The following TUBGCP4 variants were observed in gnomAD, a reference collection of about 807,000 sequenced individuals.
TUBGCP4 encodes the protein gamma-tubulin complex component 4.
Under a neutral mutation model 91.6 loss-of-function variants are expected in TUBGCP4, and 54 were observed. The ratio of observed to expected loss-of-function variants is 0.59; its 90% confidence interval spans 0.47 to 0.74. TUBGCP4 has a LOEUF of 0.74. TUBGCP4 is among the 30% of genes least tolerant of loss of function. The pLI is 0.00. For synonymous variants in TUBGCP4, 297 were observed against 302.8 expected (o/e 0.98, Z 0.20); for missense variants, 593 against 800.9 (o/e 0.74, Z 3.13).
At position 43,406,479 on chromosome 15, in the gene TUBGCP4, C is replaced by T. The variant is rs2044885922; in HGVS notation, c.*1265C>T. 5.0e-6 allele frequency: 2 copies of T among 402,740 alleles called. No homozygotes were observed. The highest frequency in any genetic ancestry group is 2.8e-5 in the Admixed American group (1 of 36,224). The allele number at this position is 402,740 out of a possible 1,614,324, so 24.9% of individuals were successfully genotyped here. On this transcript the variant is annotated 3_prime_UTR_variant, in exon 18 of 18. Coordinates refer to ENST00000564079, the MANE Select transcript of TUBGCP4 (RefSeq NM_014444.5). ...TTTGTACAGTTTTACTGAAACACAG[C>T]CATGCCCATTTGTTTACTCATTGTC...
rs772599398 is a variant in TUBGCP4 at position 43,385,968 on chromosome 15, C to T, written c.889+12C>T. 1.2e-6 allele frequency: 2 copies of T among 1,613,226 alleles called. No homozygotes were observed. Among genetic ancestry groups the T allele is most frequent in the Non-Finnish European group, 1.7e-6 (2 of 1,179,706 alleles). On this transcript the variant is annotated intron_variant, in intron 8 of 17. Coordinates refer to ENST00000564079, the MANE Select transcript of TUBGCP4 (RefSeq NM_014444.5). ...CCTGACTAGAAAAGGTAGAAATCTC[C>T]TTGTCCAATGTACCACACCCTCAAA...
rs2044257530 is a variant in TUBGCP4 at position 43,379,604 on chromosome 15, G to GCA, written c.442-478_442-477dup. On this transcript the variant is annotated intron_variant, in intron 5 of 17. Coordinates refer to ENST00000564079, the MANE Select transcript of TUBGCP4 (RefSeq NM_014444.5). ...TGTAGTGAGCCAAGATTGCACCACT[G>GCA]CACTCCAGCGTGGGCGACAGAGCAA... 2.1e-5 allele frequency among the ~76,000 whole-genome samples: 3 copies of GCA among 146,118 alleles called. No homozygotes were observed. The Admixed American group carries it at 2.2e-4, about 10-fold the overall frequency.
intron 17 of TUBGCP4, 152 bp downstream of exon 17, chr15:43,404,704 T>A: frequency 1.3e-6 from 1 of 793,388 alleles, no homozygotes; most frequent in Non-Finnish European, 1.9e-6. Flanking sequence ...TTAATAATTT[T>A]AATGGAGGTT....
Position 43,409,596 on chromosome 15 carries a change from G to C in TUBGCP4, c.*4382G>C. The stretch of plus-strand genomic sequence containing the variant: ...CCCAGGCCTCTTCTCAACACAGCAA[G>C]TTGGCTCTTATCATTGCCACTATAT... On this transcript the variant is annotated 3_prime_UTR_variant, in exon 18 of 18. Transcript: ENST00000564079. The C allele has an allele frequency of 9.7e-7, 1 of 1,026,108 alleles. No homozygotes were observed. Among genetic ancestry groups the C allele is most frequent in the Non-Finnish European group, 1.4e-6 (1 of 707,860 alleles). 63.6% of individuals were successfully genotyped at this position (1,026,108 alleles called of 1,614,324 possible). A position where few individuals can be genotyped will look rare whatever the true frequency, so the allele number is the denominator to read the frequency against.
intron 17 of TUBGCP4, 193 bp from the exon 18 acceptor site, chr15:43,405,009 C>A: frequency 1.7e-6 from 1 of 593,214 alleles, no homozygotes; most frequent in South Asian, 2.5e-5. Flanking sequence ...TTCAGAAAAT[C>A]ACTTCATTGT....
At position 43,407,776 on chromosome 15, in the gene TUBGCP4, C is replaced by A; in HGVS notation, c.*2562C>A. 1.3e-6 allele frequency: 1 copy of A among 788,882 alleles called. No individual in the cohort carries two copies. Among genetic ancestry groups the A allele is most frequent in the South Asian group, 1.8e-5 (1 of 54,432 alleles). 48.9% of individuals were successfully genotyped at this position (788,882 alleles called of 1,614,324 possible). A position where few individuals can be genotyped will look rare whatever the true frequency, so the allele number is the denominator to read the frequency against. ...TAGAAATATTTAACAAATATACGTC[C>A]AGTGCTTCACTTATGTTGACTCACC... On this transcript the variant is annotated 3_prime_UTR_variant, in exon 18 of 18. Coordinates refer to ENST00000564079, the MANE Select transcript of TUBGCP4 (RefSeq NM_014444.5).
rs2044942906 is a variant in TUBGCP4, at chr15:43,407,456, T to C, written c.*2242T>C. On this transcript the variant is annotated 3_prime_UTR_variant, in exon 18 of 18. Transcript: ENST00000564079. ...AATTCTCTCCCCAACAATGAGGCAC[T>C]GGATCACCCACTCTTGTGACACCAC... is the stretch of plus-strand genomic sequence containing the variant. The C allele has an allele frequency of 6.2e-7, 1 of 1,614,122 alleles. No individual in the cohort carries two copies. The highest frequency in any genetic ancestry group is 1.1e-5 in the South Asian group (1 of 91,090).
chr15:43,378,758 C>A (rs998917340), intron 5 of TUBGCP4, among the ~76,000 whole-genome samples: 6 of 152,214 alleles, frequency 3.9e-5, no homozygotes, highest in Non-Finnish European at 8.8e-5. Context: ...CTGTCACTGG[C>A]TGTGTACTAG....
At position 43,407,574 on chromosome 15, in the gene TUBGCP4, C is replaced by A. The variant is rs757226800; in HGVS notation, c.*2360C>A. On this transcript the variant is annotated 3_prime_UTR_variant, in exon 18 of 18. Transcript: ENST00000564079. ...TCAAATACCCCTAAAGCAATATCTG[C>A]AAGGAGCAAGGGAAAGTGAAGAAGG... 2 of 1,608,998 alleles carry A rather than the reference C, an allele frequency of 1.2e-6. No homozygotes were observed. Among genetic ancestry groups the A allele is most frequent in the South Asian group, 2.2e-5 (2 of 90,668 alleles).
At chr15:43,389,922 A>G (rs972205542) in intron 9 of TUBGCP4, among the ~76,000 whole-genome samples, 1 of 151,864 alleles carries the variant, frequency 6.6e-6, no homozygotes, top group Admixed American at 6.5e-5. Flanking sequence ...ATAATTTATT[A>G]TAAAGTAAAT....
intron 9 of TUBGCP4, among the ~76,000 whole-genome samples, chr15:43,387,098 A>G (rs756957969): frequency 2.0e-5 from 3 of 152,202 alleles, no homozygotes; most frequent in African/African-American, 7.2e-5. Context: ...TCATTTCTAT[A>G]CACAATCATC....
At position 43,400,146 on chromosome 15, in the gene TUBGCP4, C is replaced by A; in HGVS notation, c.1521C>A (p.Asn507Lys). 2 of 1,614,202 alleles carry A rather than the reference C, an allele frequency of 1.2e-6. No homozygotes were observed. Among genetic ancestry groups the A allele is most frequent in the Non-Finnish European group, 1.7e-6 (2 of 1,180,038 alleles). ...LQMQRKHLKS[N>K]QTDAIKWRLR... ...TGCAGCGCAAGCACCTCAAGTCGAA[C>A]CAGACTGATGCAATCAAGTGGCGCC... Residue 507 changes from asparagine (N) to lysine (K), a missense_variant, in exon 14 of 18, where the codon AAC (asparagine) becomes AAA (lysine). Asn to Lys is a moderately conservative substitution (Grantham distance 94, BLOSUM62 0). Coordinates refer to ENST00000564079, the MANE Select transcript of TUBGCP4 (RefSeq NM_014444.5).
intron 11 of TUBGCP4, among the ~76,000 whole-genome samples, chr15:43,396,152 C>G (rs1241529205): frequency 6.6e-6 from 1 of 152,214 alleles, no homozygotes; most frequent in East Asian, 1.9e-4. Context: ...TTGTTTGTGT[C>G]TCTTGTGAAC....
chr15:43,399,010 C>A, intron 13 of TUBGCP4: 1 of 461,592 alleles, frequency 2.2e-6, no homozygotes, highest in Non-Finnish European at 3.6e-6. Flanking sequence ...ATCCAGTCTA[C>A]ATTGAAATTT....
Position 43,409,121 on chromosome 15 carries a change from TGGG to T in TUBGCP4, c.*3908_*3910del, listed in dbSNP as rs1213991846. 1 of 1,610,718 alleles carries T rather than the reference TGGG, an allele frequency of 6.2e-7. No individual in the cohort carries two copies. The highest frequency in any genetic ancestry group is 1.7e-4 in the Middle Eastern group (1 of 6,054). On this transcript the variant is annotated 3_prime_UTR_variant, in exon 18 of 18. Transcript: ENST00000564079. ...ACTGCAAGAAAAGAAGCAGAGCCAA[TGGG>T]TTTGGTGACTTCTGTGGAAAGCTCC...
chr15:43,388,663 A>G (rs966053589), intron 9 of TUBGCP4, among the ~76,000 whole-genome samples: 23 of 152,350 alleles, frequency 1.5e-4, no homozygotes, highest in African/African-American at 5.0e-4. Context: ...ATTATAAACA[A>G]TAGAAAAATT....
At chr15:43,393,305 G>A (rs1024476771) in intron 9 of TUBGCP4, among the ~76,000 whole-genome samples, 2 of 151,194 alleles carry the variant, frequency 1.3e-5, no homozygotes, top group African/African-American at 4.9e-5. Context: ...CGTCTCCCGG[G>A]TTCAAGCGAT....
chr15:43,388,483 A>G (rs1405970448), intron 9 of TUBGCP4, among the ~76,000 whole-genome samples: 1 of 152,220 alleles, frequency 6.6e-6, no homozygotes, highest in African/African-American at 2.4e-5. Context: ...TCAAAATTTT[A>G]AGACATTGCT....
At chr15:43,376,891 T>C (rs1049746260) in intron 3 of TUBGCP4, 123 bp from the exon 4 acceptor site, 7 of 942,526 alleles carry the variant, frequency 7.4e-6, no homozygotes, top group Non-Finnish European at 1.1e-5. Flanking sequence ...GATTAAATTA[T>C]CAGTTCTCGA....
Sources: allele counts gnomAD v4.1 joint callset (sites outside exome capture counted in the v4.1 genomes callset), GRCh38; gene constraint gnomAD v4.1.1; transcripts MANE v1.5; gene names NCBI Gene and HGNC (gene_info 2026-07-23, HGNC 2026-07-21).